Variants in MSRA observed in about 807,000 individuals in gnomAD.
MSRA encodes methionine sulfoxide reductase A, also known as mitochondrial peptide methionine sulfoxide reductase.
A neutral mutation model predicts 31.3 loss-of-function variants in MSRA; 54 were observed. The ratio of observed to expected loss-of-function variants is 1.73; its 90% CI spans 1.39 to 2.17. The LOEUF is 2.17. Among genes scored for constraint, MSRA ranks in the 30% most tolerant of loss-of-function variants. The pLI is 0.00. For missense variants in MSRA, 507 were observed against 300.9 expected, an observed-to-expected ratio of 1.69 and a Z score of -5.07; for synonymous variants, 169 against 116.5, an observed-to-expected ratio of 1.45 and a Z score of -2.90.
At chr8:10,428,051 G>A (rs571592064) in intron 5 of MSRA, 97 bp from the exon 6 acceptor site, 25 of 1,349,996 alleles carry the variant, frequency 1.9e-5, no homozygotes, top group East Asian at 5.0e-5. Context: ...CCCAAGCCAC[G>A]CGTCTGCTCA....
intron 1 of MSRA, among the ~76,000 whole-genome samples, chr8:10,150,530 C>T (rs1344651630): frequency 6.6e-6 from 1 of 152,150 alleles, no homozygotes; most frequent in African/African-American, 2.4e-5. Context: ...CAACGGCTTA[C>T]TACACGATAA....
At chr8:10,226,800 T>C (rs767207958) in intron 2 of MSRA, among the ~76,000 whole-genome samples, 10 of 152,226 alleles carry the variant, frequency 6.6e-5, no homozygotes, top group Non-Finnish European at 1.5e-4. Flanking sequence ...TGTCAGGTCC[T>C]GTTAGAGCTC....
intron 1 of MSRA, among the ~76,000 whole-genome samples, chr8:10,185,288 G>A (rs896919695): frequency 6.6e-5 from 10 of 152,206 alleles, no homozygotes; most frequent in African/African-American, 2.2e-4. Flanking sequence ...AAATTACTCT[G>A]AGTCCCAGGA....
At chr8:10,200,894 G>T (rs906366922) in intron 1 of MSRA, among the ~76,000 whole-genome samples, 1 of 152,098 alleles carries the variant, frequency 6.6e-6, no homozygotes, top group Non-Finnish European at 1.5e-5. Flanking sequence ...TAGCATCTGC[G>T]GAGAGGACCT....
At chr8:10,178,766 G>C (rs970221397) in intron 1 of MSRA, among the ~76,000 whole-genome samples, 2 of 152,124 alleles carry the variant, frequency 1.3e-5, no homozygotes, top group South Asian at 2.1e-4. Context: ...TTTTGTCAAA[G>C]ATTGGAACTA....
chr8:10,182,635 C>G (rs928280725), intron 1 of MSRA, among the ~76,000 whole-genome samples: 19 of 152,154 alleles, frequency 1.2e-4, no homozygotes, highest in Non-Finnish European at 2.5e-4. Flanking sequence ...ATGATACAAG[C>G]ATGCGGTGTG....
intron 4 of MSRA, among the ~76,000 whole-genome samples, chr8:10,319,511 G>T (rs746548327): frequency 6.6e-6 from 1 of 151,914 alleles, no homozygotes; most frequent in Non-Finnish European, 1.5e-5. Context: ...CTTCCATACA[G>T]GTATCTCCTT....
chr8:10,386,875 A>T (rs1013067388), intron 5 of MSRA, among the ~76,000 whole-genome samples: 5 of 123,268 alleles, frequency 4.1e-5, no homozygotes, highest in Non-Finnish European at 5.9e-5. Context: ...GATTATTTAA[A>T]AAAAAAAAAA....
chr8:10,225,930 G>A (rs1393498416), intron 2 of MSRA, among the ~76,000 whole-genome samples: 1 of 152,238 alleles, frequency 6.6e-6, no homozygotes, highest in African/African-American at 2.4e-5. Context: ...ATGCCAGAAA[G>A]ACGTAAGGTG....
chr8:10,192,166 C>G (rs760813287), intron 1 of MSRA, among the ~76,000 whole-genome samples: 5 of 152,224 alleles, frequency 3.3e-5, no homozygotes, highest in Non-Finnish European at 7.3e-5. Flanking sequence ...AGTCTATCAT[C>G]CACTCACGGA....
intron 1 of MSRA, among the ~76,000 whole-genome samples, chr8:10,057,907 A>G (rs1011290241): frequency 1.3e-5 from 2 of 152,224 alleles, no homozygotes; most frequent in Non-Finnish European, 2.9e-5. Context: ...GTGTGAAAAC[A>G]GACTAACACA....
chr8:10,306,792 T>A (rs922004121), intron 4 of MSRA, among the ~76,000 whole-genome samples: 3 of 152,110 alleles, frequency 2.0e-5, no homozygotes, highest in Admixed American at 1.3e-4. Context: ...AAGCCACAGG[T>A]ACACCAGGCA....
At chr8:10,073,887 T>C (rs547207148) in intron 1 of MSRA, among the ~76,000 whole-genome samples, 1 of 151,992 alleles carries the variant, frequency 6.6e-6, no homozygotes, top group South Asian at 2.1e-4. Flanking sequence ...CCTTCTTTCC[T>C]GCCTTGATTC....
At chr8:10,099,610 T>G (rs1458967256) in intron 1 of MSRA, among the ~76,000 whole-genome samples, 2 of 152,232 alleles carry the variant, frequency 1.3e-5, no homozygotes, top group Non-Finnish European at 2.9e-5. Flanking sequence ...TTGTTGAGTC[T>G]TATTTGACTA....
intron 1 of MSRA, among the ~76,000 whole-genome samples, chr8:10,193,462 C>G (rs376204888): frequency 7.2e-5 from 11 of 152,284 alleles, no homozygotes; most frequent in African/African-American, 2.2e-4. Flanking sequence ...AAAGAAGTGT[C>G]CATTGCTAGA....
chr8:10,351,039 A>G (rs1804100586), intron 5 of MSRA, among the ~76,000 whole-genome samples: 1 of 152,212 alleles, frequency 6.6e-6, no homozygotes, highest in Admixed American at 6.5e-5. Flanking sequence ...TTGACTGGAA[A>G]GAGAACCTCG....
chr8:10,270,014 A>T (rs945006820), intron 3 of MSRA, among the ~76,000 whole-genome samples: 1 of 152,334 alleles, frequency 6.6e-6, no homozygotes, highest in African/African-American at 2.4e-5. Flanking sequence ...AGGGTTTGTT[A>T]TGAGTGTCAA....
chr8:10,283,154 A>ACTCTCTCTCTCT (rs1234503905), intron 3 of MSRA, among the ~76,000 whole-genome samples: 3 of 87,658 alleles, frequency 3.4e-5, no homozygotes, highest in African/African-American at 1.4e-4. Context: ...ACACACACAC[A>ACTCTCTCTCTCT]CACACACTCT....
intron 5 of MSRA, among the ~76,000 whole-genome samples, chr8:10,358,614 A>G (rs1372793212): frequency 1.2e-5 from 1 of 80,930 alleles, no homozygotes; most frequent in African/African-American, 5.3e-5. Flanking sequence ...TTTTTTTGAG[A>G]CGGAGTCTCG....
Sources: gnomAD v4.1 joint callset for allele counts (sites outside exome capture counted in the v4.1 genomes callset) on GRCh38, gnomAD v4.1.1 for gene constraint, MANE v1.5 for transcripts, NCBI Gene and HGNC (gene_info 2026-07-23, HGNC 2026-07-21) for gene names.